The following BAIAP2L2 variants were observed in gnomAD, a reference collection of about 807,000 sequenced individuals.
The protein encoded by BAIAP2L2 is BAR/IMD domain containing adaptor protein 2 like 2.
BAIAP2L2 carries 65 observed loss-of-function variants against 60.4 expected under a neutral mutation model. That is an observed-to-expected ratio of 1.08 (90% CI 0.88 to 1.32). The LOEUF is 1.32. Among genes scored for constraint, BAIAP2L2 ranks in the 40% most tolerant of loss-of-function variants. The pLI, the probability that BAIAP2L2 is intolerant of heterozygous loss-of-function variation, is 0.00. For missense variants in BAIAP2L2, 836 were observed against 741.2 expected, an observed-to-expected ratio of 1.13 and a Z score of -1.48; for synonymous variants, 344 against 301.7, an observed-to-expected ratio of 1.14 and a Z score of -1.45.
intron 3 of BAIAP2L2, 35 bp downstream of exon 3, chr22:38,108,220 C>T: frequency 6.3e-7 from 1 of 1,591,074 alleles, no homozygotes; most frequent in Non-Finnish European, 8.6e-7. Context: ...AAGGAGGGCC[C>T]AAGAATGGGG....
intron 8 of BAIAP2L2, 34 bp from the exon 9 acceptor site, chr22:38,089,265 G>C (rs1405969346): frequency 2.7e-5 from 5 of 183,696 alleles, no homozygotes; most frequent in Admixed American, 2.7e-4. Flanking sequence ...GGGTGGGGCG[G>C]GGGGGGGGGG....
intron 7 of BAIAP2L2, chr22:38,090,710 G>A (rs1405514071): frequency 6.6e-6 from 1 of 152,242 alleles, no homozygotes; most frequent in Non-Finnish European, 1.5e-5. Context: ...AAGATACTGA[G>A]GGTCAGAGAA....
chr22:38,089,441 C>T, intron 8 of BAIAP2L2, 81 bp downstream of exon 8: 2 of 816,818 alleles, frequency 2.4e-6, no homozygotes, highest in Non-Finnish European at 3.2e-6. Flanking sequence ...GCAGGAGGCT[C>T]CAGGCTGGGG....
chr22:38,107,976 C>T lies in BAIAP2L2; in HGVS notation c.215-63G>A, dbSNP rs544689681. The T allele has an allele frequency of 2.6e-6, 4 of 1,548,260 alleles. No homozygotes were observed. In the South Asian group the frequency reaches 3.4e-5, roughly 13 times the overall value. ...CAGCCTGCCCCGCCCACCCACCACC[C>T]TCTTCCGCTGAAAGCCAACAGAGGG... On this transcript the variant is annotated intron_variant, in intron 3 of 13. Coordinates refer to ENST00000381669, the MANE Select transcript of BAIAP2L2 (RefSeq NM_025045.6).
chr22:38,097,978 C>T (rs912958645), intron 6 of BAIAP2L2, 85 bp downstream of exon 6: 23 of 1,266,880 alleles, frequency 1.8e-5, no homozygotes, highest in Middle Eastern at 2.4e-4. Flanking sequence ...CTCAGGGAGG[C>T]GTTCGGGGTT....
intron 4 of BAIAP2L2, among the ~76,000 whole-genome samples, chr22:38,105,344 T>TG (rs61475472): frequency 0.05 from 2,222 of 44,298 alleles, 78 homozygotes; most frequent in African/African-American, 0.088. Context: ...CTTTTCTTTT[T>TG]TTTTTTTTTT....
intron 6 of BAIAP2L2, 30 bp downstream of exon 6, chr22:38,098,033 T>TACAG: frequency 1.2e-4 from 75 of 626,804 alleles, no homozygotes; most frequent in Non-Finnish European, 1.7e-4. Flanking sequence ...CCGCCCTTCC[T>TACAG]GGCCCACCCC....
chr22:38,086,921 A>G (rs915906880), intron 11 of BAIAP2L2, among the ~76,000 whole-genome samples: 14 of 148,652 alleles, frequency 9.4e-5, no homozygotes, highest in Admixed American at 7.5e-4. Flanking sequence ...GCTTGAATGC[A>G]GGAGGCAGAG....
At position 38,088,819 on chromosome 22, in the gene BAIAP2L2, C is replaced by G. The variant is rs756067567; in HGVS notation, c.1047G>C (p.Gly349=). ...ANHTLLRFSA[G]DVVEVLVPEA... ...CGGGCACCAACACCTCCACCACGTC[C>G]CCAGCGGAGAAGCGCAGCAGCGTGT... The change falls in exon 10 of 14, where the codon GGG becomes GGC. Residue 349 remains glycine, a synonymous_variant. Transcript: ENST00000381669. 3.5e-5 allele frequency: 56 copies of G among 1,600,940 alleles called. No homozygotes were observed. Among genetic ancestry groups the G allele is most frequent in the Non-Finnish European group, 4.6e-5 (54 of 1,179,664 alleles).
At chr22:38,085,516 CT>C (rs945126212) in intron 13 of BAIAP2L2, 141 bp from the exon 14 acceptor site, 223 of 1,247,226 alleles carry the variant, frequency 1.8e-4, no homozygotes, top group Non-Finnish European at 2.0e-4. Context: ...CCCGCTTCAT[CT>C]TTTTTTTTCT....
chr22:38,096,710 C>A (rs1463818612), intron 7 of BAIAP2L2, among the ~76,000 whole-genome samples: 1 of 152,000 alleles, frequency 6.6e-6, no homozygotes, highest in Non-Finnish European at 1.5e-5. Context: ...ACTGAGCACA[C>A]CTATCAATGA....
rs773808608 is a variant in BAIAP2L2, at chr22:38,085,729, G to T, written c.1471C>A (p.Leu491Met). ...STAVATDVKKLMSSEQYPPQE... is the reference protein window; with the variant it reads ...STAVATDVKKMMSSEQYPPQE... The stretch of plus-strand genomic sequence containing the variant: ...GGTGGGTACTGCTCTGAGGACATCA[G>T]TTTCTGCAGTGGGGGTGGGGAAGGG... The change falls in exon 13 of 14, where the codon CTG becomes ATG. Residue 491 changes from leucine to methionine, a missense_variant. Physicochemically the swap from Leu to Met is conservative, Grantham distance 15. Coordinates refer to ENST00000381669, the MANE Select transcript of BAIAP2L2 (RefSeq NM_025045.6). 8.8e-6 allele frequency: 14 copies of T among 1,598,090 alleles called. No individual in the cohort carries two copies. The highest frequency in any genetic ancestry group is 1.2e-5 in the Non-Finnish European group (14 of 1,174,360).
chr22:38,097,946 G>A, intron 6 of BAIAP2L2, 117 bp downstream of exon 6: 1 of 962,450 alleles, frequency 1.0e-6, no homozygotes, highest in African/African-American at 1.6e-5. Flanking sequence ...CATCACAGTT[G>A]GGCTGGTGCT....
Position 38,097,951 on chromosome 22 carries a change from G to A in BAIAP2L2, c.465+112C>T, listed in dbSNP as rs2086477335. 6 of 1,010,456 alleles carry A rather than the reference G, an allele frequency of 5.9e-6. No individual in the cohort carries two copies. The Admixed American group carries it at 8.9e-5, about 15-fold the overall frequency. The allele number at this position is 1,010,456 out of a possible 1,614,324, so 62.6% of individuals were successfully genotyped here. A position where few individuals can be genotyped will look rare whatever the true frequency, so the allele number is the denominator to read the frequency against. ...CAGCCACGCTCATCACAGTTGGGCT[G>A]GTGCTCGGTGGGGGAGCTCAGGGAG... On this transcript the variant is annotated intron_variant, in intron 6 of 13. Transcript: ENST00000381669.
At chr22:38,086,163 G>A (rs917943283) in intron 12 of BAIAP2L2, 79 bp downstream of exon 12, 74 of 1,466,610 alleles carry the variant, frequency 5.0e-5, no homozygotes, top group Non-Finnish European at 6.4e-5. Flanking sequence ...CCAGACAGCC[G>A]GTGACAGAGC....
Position 38,109,159 on chromosome 22 carries a change from C to T in BAIAP2L2, c.101G>A (p.Gly34Asp), listed in dbSNP as rs1250295644. ...GTGGAAGGCACGCAGGTAGTTGTTG[C>T]CCAGGTACACCAGGTTCTCCAGGGC... ...NPALENLVYL[G>D]NNYLRAFHAL... Residue 34 changes from glycine to aspartate, a missense_variant, in exon 2 of 14, where the codon GGC becomes GAC. By Grantham distance (94) the Gly-to-Asp change is moderately conservative (BLOSUM62 -1). Coordinates refer to ENST00000381669, the MANE Select transcript of BAIAP2L2 (RefSeq NM_025045.6). 6.2e-7 allele frequency: 1 copy of T among 1,612,894 alleles called. No individual in the cohort carries two copies.
At position 38,089,617 on chromosome 22, in the gene BAIAP2L2, G is replaced by C; in HGVS notation, c.670C>G (p.Arg224Gly). Residue 224 changes from arginine (R) to glycine (G), a missense_variant, in exon 8 of 14, where the codon CGC becomes GGC. Physicochemically the swap from Arg to Gly is moderately radical, Grantham distance 125. Coordinates refer to ENST00000381669, the MANE Select transcript of BAIAP2L2 (RefSeq NM_025045.6). ...GGGGAGTGGGCGCGCGACGGGCTGC[G>C]GCTGGCCTCAGACTGCTCCTTCCAC... ...LLWKEQSEAS[R>G]SPSRAHSPGL... is the part of the protein sequence containing the mutation. 8.1e-7 allele frequency: 1 copy of C among 1,234,050 alleles called. No homozygotes were observed. The highest frequency in any genetic ancestry group is 1.0e-6 in the Non-Finnish European group (1 of 990,006). The allele number at this position is 1,234,050 out of a possible 1,614,324, so 76.4% of individuals were successfully genotyped here.
intron 2 of BAIAP2L2, 142 bp downstream of exon 2, chr22:38,108,991 G>C (rs747445689): frequency 1.2e-5 from 9 of 742,988 alleles, no homozygotes; most frequent in Non-Finnish European, 1.8e-5. Flanking sequence ...GGCTGCAGAG[G>C]TGTGAGGGTG....
At position 38,086,419 on chromosome 22, in the gene BAIAP2L2, G is replaced by A. The variant is rs3747167; in HGVS notation, c.1290C>T (p.Leu430=). The stretch of plus-strand genomic sequence containing the variant: ...TGCCCGGCCGGTCCAGGAGGTCATC[G>A]AGGCTGTGGCTGCCCCGGAGTGGGT... ...RSYPLRGSHS[L]DDLLDRPGNS... Residue 430 remains leucine, a synonymous_variant, in exon 12 of 14, where the codon CTC becomes CTT. Coordinates refer to ENST00000381669, the MANE Select transcript of BAIAP2L2 (RefSeq NM_025045.6). 929 of 1,532,770 alleles carry A rather than the reference G, an allele frequency of 6.1e-4. 24 individuals carry two copies. The East Asian group carries it at 0.022, about 37-fold the overall frequency. 94.9% of individuals were successfully genotyped at this position (1,532,770 alleles called of 1,614,324 possible). A position where few individuals can be genotyped will look rare whatever the true frequency, so the allele number is the denominator to read the frequency against.
Sources: gnomAD v4.1 joint callset for allele counts (sites outside exome capture counted in the v4.1 genomes callset) on GRCh38, gnomAD v4.1.1 for gene constraint, MANE v1.5 for transcripts, NCBI Gene and HGNC (gene_info 2026-07-23, HGNC 2026-07-21) for gene names.